The following CLVS1 variants were observed in gnomAD, a reference collection of about 807,000 sequenced individuals.
CLVS1 encodes clavesin-1.
In CLVS1, 10 loss-of-function variants were observed where a neutral mutation model predicts 33.1. The observed-to-expected ratio is 0.30, with a 90% CI of 0.19 to 0.51. The LOEUF is 0.51. Among genes scored for constraint, CLVS1 ranks in the 20% least tolerant of loss-of-function variants. CLVS1 has a pLI of 0.97. For synonymous variants in CLVS1, 163 were observed against 166.1 expected, an observed-to-expected ratio of 0.98 and a Z score of 0.14; for missense variants, 343 against 433.4, an observed-to-expected ratio of 0.79 and a Z score of 1.85.
At chr8:61,434,174 A>C (rs1816225852) in intron 3 of CLVS1, among the ~76,000 whole-genome samples, 2 of 152,212 alleles carry the variant, frequency 1.3e-5, no homozygotes, top group Non-Finnish European at 2.9e-5. Context: ...GAGGGTTTTC[A>C]TCAAGGTCCC....
intron 3 of CLVS1, among the ~76,000 whole-genome samples, chr8:61,427,671 T>C (rs1815944824): frequency 6.6e-6 from 1 of 152,202 alleles, no homozygotes; most frequent in Non-Finnish European, 1.5e-5. Flanking sequence ...ACCTGCAGAA[T>C]CCTACCAGGA....
intron 2 of CLVS1, among the ~76,000 whole-genome samples, chr8:61,305,432 T>C (rs1015368140): frequency 6.6e-6 from 1 of 152,156 alleles, no homozygotes; most frequent in African/African-American, 2.4e-5. Flanking sequence ...GAAATATTTG[T>C]CTTTCTGTGC....
chr8:61,098,171 CAGAGAA>C (rs1180987299), intron 1 of CLVS1, among the ~76,000 whole-genome samples: 1 of 151,890 alleles, frequency 6.6e-6, no homozygotes, highest in Non-Finnish European at 1.5e-5. Context: ...CTAAAAGAGA[CAGAGAA>C]AGAGAGCGAG....
At chr8:60,978,340 A>G in the CLVS1 span, among the ~76,000 whole-genome samples, 2 of 152,252 alleles carry the variant, frequency 1.3e-5, no homozygotes, top group African/African-American at 4.8e-5. Flanking sequence ...AACAATGATT[A>G]TATGTTAATG....
In CLVS1 at chr8:61,467,771, T is replaced by A. The variant is rs553378484; in HGVS notation, c.977+9229T>A. Among the ~76,000 whole-genome samples the A allele has an allele frequency of 2.6e-5, 4 of 152,284 alleles. No individual in the cohort carries two copies. In the South Asian group the frequency reaches 8.3e-4, roughly 32 times the overall value. On this transcript the variant is annotated intron_variant, in intron 5 of 5. Transcript: ENST00000325897. ...CTGTACCACATTGCAGAAGCCTCTG[T>A]TTGCAGGGTAAACATTCTCCACAAA...
At chr8:61,294,818 G>A (rs1810133850) in intron 1 of CLVS1, among the ~76,000 whole-genome samples, 2 of 152,066 alleles carry the variant, frequency 1.3e-5, no homozygotes, top group Admixed American at 1.3e-4. Context: ...GATTTCATTT[G>A]AATTATCATA....
At chr8:61,292,513 C>T in intron 1 of CLVS1, 1 of 406,144 alleles carries the variant, frequency 2.5e-6, no homozygotes, top group Non-Finnish European at 5.0e-6. Context: ...AGAATCTATT[C>T]TTAGAGAAAT....
intron 2 of CLVS1, among the ~76,000 whole-genome samples, chr8:61,195,616 T>A (rs1002739640): frequency 5.9e-5 from 9 of 152,002 alleles, no homozygotes; most frequent in Non-Finnish European, 8.8e-5. Flanking sequence ...CATAAAAAAA[T>A]TAGCTTTTCA....
chr8:61,475,391 A>C (rs1192356250), intron 5 of CLVS1, among the ~76,000 whole-genome samples: 2 of 152,216 alleles, frequency 1.3e-5, no homozygotes, highest in Non-Finnish European at 2.9e-5. Flanking sequence ...ACAATGGTTG[A>C]ACTAGTTTAG....
At chr8:61,026,320 C>A in the CLVS1 span, among the ~76,000 whole-genome samples, 2 of 152,190 alleles carry the variant, frequency 1.3e-5, no homozygotes, top group African/African-American at 2.4e-5. Flanking sequence ...CAAGAGGAAC[C>A]AACCTTGCCT....
chr8:61,282,446 G>T (rs746897742), intron 2 of CLVS1, among the ~76,000 whole-genome samples: 2 of 152,176 alleles, frequency 1.3e-5, no homozygotes, highest in Non-Finnish European at 2.9e-5. Context: ...TCTCCAAGAG[G>T]CCTGATAGCC....
At chr8:61,126,600 C>G (rs183712645) in intron 1 of CLVS1, among the ~76,000 whole-genome samples, 1 of 152,308 alleles carries the variant, frequency 6.6e-6, no homozygotes, top group Non-Finnish European at 1.5e-5. Flanking sequence ...ACTAATCAGT[C>G]TTTGCATTGT....
At chr8:61,429,675 C>A (rs1008797916) in intron 3 of CLVS1, among the ~76,000 whole-genome samples, 2 of 152,074 alleles carry the variant, frequency 1.3e-5, no homozygotes, top group African/African-American at 4.8e-5. Flanking sequence ...TCATTATATC[C>A]AAAAGCATTT....
At chr8:61,154,440 C>A (rs1270001983) in intron 2 of CLVS1, among the ~76,000 whole-genome samples, 1 of 151,946 alleles carries the variant, frequency 6.6e-6, no homozygotes, top group East Asian at 1.9e-4. Context: ...CTTATGAAGG[C>A]AGTATACCAT....
chr8:61,111,213 A>G (rs1805621766), intron 1 of CLVS1, among the ~76,000 whole-genome samples: 1 of 152,204 alleles, frequency 6.6e-6, no homozygotes, highest in Non-Finnish European at 1.5e-5. Context: ...ATATTGATAT[A>G]CGGCTTTCAC....
chr8:61,110,688 C>T (rs890763061), intron 1 of CLVS1, among the ~76,000 whole-genome samples: 2 of 152,110 alleles, frequency 1.3e-5, no homozygotes, highest in Non-Finnish European at 2.9e-5. Context: ...CACTAAACTA[C>T]AGATCTCCAT....
chr8:61,065,102 G>C (rs556930602), intron 1 of CLVS1, among the ~76,000 whole-genome samples: 2 of 152,180 alleles, frequency 1.3e-5, no homozygotes, highest in Admixed American at 1.3e-4. Context: ...GTGGGCAATT[G>C]GTTCCAGGAC....
At chr8:61,457,036 C>T (rs1817192660) in intron 4 of CLVS1, among the ~76,000 whole-genome samples, 1 of 151,684 alleles carries the variant, frequency 6.6e-6, no homozygotes, top group Non-Finnish European at 1.5e-5. Context: ...CTCCTGGGTT[C>T]AAGTGATTCT....
chr8:61,382,148 A>G (rs528834129), intron 3 of CLVS1, among the ~76,000 whole-genome samples: 58 of 152,328 alleles, frequency 3.8e-4, no homozygotes, highest in Non-Finnish European at 6.8e-4. Context: ...TAGAACGATG[A>G]AAAGTCTGTC....
Sources: gnomAD v4.1 joint callset for allele counts (sites outside exome capture counted in the v4.1 genomes callset) on GRCh38, gnomAD v4.1.1 for gene constraint, MANE v1.5 for transcripts, NCBI Gene and HGNC (gene_info 2026-07-23, HGNC 2026-07-21) for gene names.